CHN2: variants seen among roughly 807,000 people sequenced by gnomAD.
The protein encoded by CHN2 is chimerin 2, also known as beta-chimaerin.
Under a neutral mutation model 56.3 loss-of-function variants are expected in CHN2, and 35 were observed. The observed-to-expected ratio is 0.62, with a 90% CI of 0.47 to 0.82. The LOEUF is 0.82. Among genes scored for constraint, CHN2 ranks in the 40% least tolerant of loss-of-function variants. The pLI is 0.00. For missense variants in CHN2, 491 were observed against 580.5 expected (o/e 0.85, Z 1.58); for synonymous variants, 210 against 212.8 (o/e 0.99, Z 0.12).
chr7:29,441,399 A>T (rs1413840414), intron 6 of CHN2, among the ~76,000 whole-genome samples: 2 of 152,244 alleles, frequency 1.3e-5, no homozygotes, highest in Non-Finnish European at 2.9e-5. Flanking sequence ...ATCACCTTGG[A>T]TGTGGCAATG....
intron 3 of CHN2, among the ~76,000 whole-genome samples, chr7:29,391,869 G>A (rs758761343): frequency 6.6e-6 from 1 of 152,194 alleles, no homozygotes; most frequent in Admixed American, 6.5e-5. Flanking sequence ...AAAGCAATTT[G>A]TTGTCTTGTT....
At chr7:29,503,583 A>C (rs992930375) in intron 9 of CHN2, among the ~76,000 whole-genome samples, 1 of 152,232 alleles carries the variant, frequency 6.6e-6, no homozygotes, top group African/African-American at 2.4e-5. Context: ...CTCAGTGGGA[A>C]AAAGGGCTGA....
intron 6 of CHN2, among the ~76,000 whole-genome samples, chr7:29,473,800 A>T (rs537289107): frequency 1.3e-5 from 2 of 151,862 alleles, no homozygotes; most frequent in South Asian, 2.1e-4. Flanking sequence ...TAATTGTGGA[A>T]CCTCTCTGGC....
At chr7:29,320,094 A>G (rs890491321) in intron 1 of CHN2, among the ~76,000 whole-genome samples, 8 of 152,164 alleles carry the variant, frequency 5.3e-5, no homozygotes, top group East Asian at 1.9e-4. Context: ...AGTGTGTCCA[A>G]TAGATTTCTC....
intron 3 of CHN2, among the ~76,000 whole-genome samples, chr7:29,383,721 C>T (rs748405211): frequency 2.6e-5 from 4 of 151,944 alleles, no homozygotes; most frequent in Non-Finnish European, 4.4e-5. Flanking sequence ...GGGGAGTTAC[C>T]ACTTTTAAGG....
intron 1 of CHN2, among the ~76,000 whole-genome samples, chr7:29,314,611 C>T (rs1794826630): frequency 6.6e-6 from 1 of 152,054 alleles, no homozygotes; most frequent in Non-Finnish European, 1.5e-5. Flanking sequence ...AACATCACCA[C>T]CAACAAAAAT....
chr7:29,192,365 A>G (rs1782999104), upstream of CHN2: 1 of 152,222 alleles, frequency 6.6e-6, no homozygotes, highest in African/African-American at 2.4e-5. Context: ...TCTCCAGTTA[A>G]AACACTATGA....
At chr7:29,283,081 C>T (rs1279620328) in intron 1 of CHN2, among the ~76,000 whole-genome samples, 1 of 152,184 alleles carries the variant, frequency 6.6e-6, no homozygotes, top group Non-Finnish European at 1.5e-5. Flanking sequence ...CTGACCCCCT[C>T]GTGCTGCTTC....
chr7:29,309,904 G>A (rs1319937396), intron 1 of CHN2, among the ~76,000 whole-genome samples: 1 of 152,134 alleles, frequency 6.6e-6, no homozygotes, highest in East Asian at 1.9e-4. Context: ...CTAGGGTCTG[G>A]GGAATGCTGC....
At chr7:29,358,272 T>C (rs1413651207) in intron 2 of CHN2, among the ~76,000 whole-genome samples, 7 of 152,068 alleles carry the variant, frequency 4.6e-5, no homozygotes, top group Non-Finnish European at 1.0e-4. Context: ...GTGGCATGCC[T>C]TGTAGTCCTA....
At chr7:29,437,553 G>C (rs1006148821) in intron 6 of CHN2, among the ~76,000 whole-genome samples, 1 of 142,584 alleles carries the variant, frequency 7.0e-6, no homozygotes, top group Non-Finnish European at 1.5e-5. Context: ...AGCCGAGATC[G>C]CGCCACTGCA....
intron 3 of CHN2, among the ~76,000 whole-genome samples, chr7:29,374,720 G>T (rs1256454828): frequency 6.6e-6 from 1 of 151,918 alleles, no homozygotes; most frequent in Non-Finnish European, 1.5e-5. Flanking sequence ...GAAAGTAAAT[G>T]GGAAATTAAA....
At chr7:29,357,589 A>T (rs988484451) in intron 2 of CHN2, among the ~76,000 whole-genome samples, 1 of 152,224 alleles carries the variant, frequency 6.6e-6, no homozygotes, top group Non-Finnish European at 1.5e-5. Context: ...CCAATGTACA[A>T]TCTAGTCAAG....
chr7:29,295,016 G>A (rs1793005435), intron 1 of CHN2, among the ~76,000 whole-genome samples: 1 of 152,024 alleles, frequency 6.6e-6, no homozygotes, highest in Admixed American at 6.5e-5. Flanking sequence ...CAAGATCCAT[G>A]GATGCTCAAG....
At chr7:29,192,685 T>C (rs960805344), upstream of CHN2, 2 of 152,210 alleles carry the variant, frequency 1.3e-5, no homozygotes, top group South Asian at 4.1e-4. Context: ...TCTTATTTAA[T>C]CTTCACAGCA....
At chr7:29,432,703 G>A (rs1045940632) in intron 6 of CHN2, among the ~76,000 whole-genome samples, 14 of 152,190 alleles carry the variant, frequency 9.2e-5, no homozygotes, top group African/African-American at 3.4e-4. Flanking sequence ...GACAACAGAT[G>A]TAAAATCATT....
At chr7:29,413,767 G>A (rs1352474441) in intron 6 of CHN2, among the ~76,000 whole-genome samples, 3 of 152,170 alleles carry the variant, frequency 2.0e-5, no homozygotes, top group Non-Finnish European at 4.4e-5. Flanking sequence ...CTTTCCACTG[G>A]ACCACATTGA....
At chr7:29,443,881 A>G (rs1783849369) in intron 6 of CHN2, among the ~76,000 whole-genome samples, 1 of 152,214 alleles carries the variant, frequency 6.6e-6, no homozygotes, top group Non-Finnish European at 1.5e-5. Flanking sequence ...GTCAAGCCTA[A>G]TAAGAACTAG....
intron 3 of CHN2, among the ~76,000 whole-genome samples, chr7:29,371,755 C>T: frequency 6.6e-6 from 1 of 152,206 alleles, no homozygotes; most frequent in East Asian, 1.9e-4. Flanking sequence ...TGGATGACAC[C>T]TAACTTCAGA....
Sources: allele counts gnomAD v4.1 joint callset (sites outside exome capture counted in the v4.1 genomes callset), GRCh38; gene constraint gnomAD v4.1.1; transcripts MANE v1.5; gene names NCBI Gene and HGNC (gene_info 2026-07-23, HGNC 2026-07-21).